Variants in CCN3 observed in about 807,000 individuals in gnomAD.
CCN3 encodes the protein cellular communication network factor 3.
In CCN3, 20 loss-of-function variants were observed where a neutral mutation model predicts 33.4. The ratio of observed to expected loss-of-function variants is 0.60; its 90% confidence interval spans 0.42 to 0.87. The LOEUF (loss-of-function observed/expected upper bound fraction) is 0.87, where lower values mean the gene tolerates loss of function less well. Ranked by LOEUF, CCN3 falls within the 40% of genes least tolerant of loss-of-function variation. The pLI, the probability that CCN3 is intolerant of heterozygous loss-of-function variation, is 0.00. For missense variants in CCN3, 465 were observed against 455.3 expected (o/e 1.02, Z -0.19); for synonymous variants, 205 against 170.4 (o/e 1.20, Z -1.58).
intron 4 of CCN3, among the ~76,000 whole-genome samples, chr8:119,421,351 T>C (rs923210381): frequency 1.1e-4 from 17 of 152,134 alleles, no homozygotes; most frequent in Admixed American, 7.9e-4. Context: ...AGCAGCATCA[T>C]CTAAGAAGTT....
In CCN3 at chr8:119,422,910, G is replaced by A. The variant is rs151283214; in HGVS notation, c.852G>A (p.Leu284=). ...TGCAGTTCAAGAACTGCACCAGCCT[G>A]CACACCTACAAGCCCAGGTTCTGTG... ...IHLQFKNCTS[L]HTYKPRFCGV... Residue 284 remains leucine, a synonymous_variant, in exon 5 of 5, where the codon CTG becomes CTA. Transcript: ENST00000259526. 1.2e-6 allele frequency: 2 copies of A among 1,614,032 alleles called. No individual in the cohort carries two copies. The highest frequency in any genetic ancestry group is 1.7e-6 in the Non-Finnish European group (2 of 1,180,008).
chr8:119,422,555 G>T (rs1820138891), intron 4 of CCN3, among the ~76,000 whole-genome samples: 1 of 152,150 alleles, frequency 6.6e-6, no homozygotes, highest in South Asian at 2.1e-4. Flanking sequence ...AAAGGAAAAT[G>T]AATACAGGAA....
At chr8:119,420,182 A>G (rs184345905) in intron 4 of CCN3, 40 of 152,348 alleles carry the variant, frequency 2.6e-4, no homozygotes, top group African/African-American at 7.9e-4. Flanking sequence ...AATGCGTAAG[A>G]GGACAACTGT....
chr8:119,418,997 T>C, intron 3 of CCN3, 134 bp from the exon 4 acceptor site: 2 of 625,948 alleles, frequency 3.2e-6, no homozygotes, highest in Middle Eastern at 3.7e-4. Context: ...AATTCAGTTC[T>C]GTGTCCTGGG....
Position 119,419,302 on chromosome 8 carries a change from T to A in CCN3, c.734T>A (p.Met245Lys). The change falls in exon 4 of 5, where the codon ATG becomes AAG. Residue 245 changes from methionine (M) to lysine (K), a missense_variant. By Grantham distance (95) the Met-to-Lys change is moderately conservative (BLOSUM62 -1). Transcript: ENST00000259526. ...ATGCTGAAACAGACTCGGCTCTGCATGGTGCGGCCCTGTGAACAAGAGCCA... is the reference window on the plus strand; with the variant it reads ...ATGCTGAAACAGACTCGGCTCTGCAAGGTGCGGCCCTGTGAACAAGAGCCA... ...CEMLKQTRLC[M>K]VRPCEQEPEQ... 6.2e-7 allele frequency: 1 copy of A among 1,614,116 alleles called. No individual in the cohort carries two copies. The highest frequency in any genetic ancestry group is 1.7e-5 in the Admixed American group (1 of 60,022).
intron 4 of CCN3, among the ~76,000 whole-genome samples, chr8:119,421,205 T>G (rs1423617747): frequency 6.6e-6 from 1 of 152,000 alleles, no homozygotes; most frequent in African/African-American, 2.4e-5. Context: ...GAGACGGGGT[T>G]TCACCATGTT....
At chr8:119,419,375 G>T in intron 4 of CCN3, 30 bp downstream of exon 4, 3 of 1,602,866 alleles carry the variant, frequency 1.9e-6, no homozygotes, top group Non-Finnish European at 2.6e-6. Flanking sequence ...CTCCCATCCT[G>T]AAGGTAATGG....
At position 119,422,874 on chromosome 8, in the gene CCN3, A is replaced by G. The variant is rs777567676; in HGVS notation, c.816A>G (p.Lys272=). Residue 272 remains lysine, a synonymous_variant, in exon 5 of 5, where the codon AAA becomes AAG. Transcript: ENST00000259526. ...GTCTCCGCACCAAGAAGTCACTCAA[A>G]GCCATCCACCTGCAGTTCAAGAACT... The part of the protein sequence containing the change: ...KKCLRTKKSL[K]AIHLQFKNCT... 6.2e-7 allele frequency: 1 copy of G among 1,612,476 alleles called. No individual in the cohort carries two copies. Among genetic ancestry groups the G allele is most frequent in the Non-Finnish European group, 8.5e-7 (1 of 1,178,868 alleles).
chr8:119,416,987 G>A lies in CCN3; in HGVS notation c.310+18G>A. ...CTGCACGGGTAATCCTGCTCCCTCT[G>A]CTGTTTGACCTCTTCTCCTGCAGCT... On this transcript the variant is annotated intron_variant, in intron 2 of 4. Transcript: ENST00000259526. 1 of 1,591,766 alleles carries A rather than the reference G, an allele frequency of 6.3e-7. No individual in the cohort carries two copies.
rs779014572 is a variant in CCN3 at position 119,423,151 on chromosome 8, C to G, written c.*19C>G. 16 of 1,602,284 alleles carry G rather than the reference C, an allele frequency of 1.0e-5. No individual in the cohort carries two copies. The Admixed American group carries it at 2.5e-4, about 25-fold the overall frequency. On this transcript the variant is annotated 3_prime_UTR_variant, in exon 5 of 5. Coordinates refer to ENST00000259526, the MANE Select transcript of CCN3 (RefSeq NM_002514.4). ...AATGTAACCTGTCACTCAAGAAGCA[C>G]ACCTACAGAGCACCTGTAGCTGCTG... is the stretch of plus-strand genomic sequence containing the variant.
chr8:119,424,055 TG>T lies in CCN3; in HGVS notation c.*925del, dbSNP rs1820162082. 1 of 152,182 alleles carries T rather than the reference TG, an allele frequency of 6.6e-6. No homozygotes were observed. Among genetic ancestry groups the T allele is most frequent in the Admixed American group, 6.5e-5 (1 of 15,284 alleles). 9.4% of individuals were successfully genotyped at this position (152,182 alleles called of 1,614,324 possible). A position where few individuals can be genotyped will look rare whatever the true frequency, so the allele number is the denominator to read the frequency against. ...AATAGAGCAAAATCAACATGACTGG[TG>T]GTGAGAGACCACACATTTTATGAGA... On this transcript the variant is annotated 3_prime_UTR_variant, in exon 5 of 5. Coordinates refer to ENST00000259526, the MANE Select transcript of CCN3 (RefSeq NM_002514.4).
chr8:119,422,274 A>G (rs1820135736), intron 4 of CCN3, among the ~76,000 whole-genome samples: 1 of 152,208 alleles, frequency 6.6e-6, no homozygotes. Context: ...TCACGAGAAC[A>G]GCAAGGGAAA....
At position 119,419,247 on chromosome 8, in the gene CCN3, C is replaced by G. The variant is rs778254162; in HGVS notation, c.679C>G (p.Arg227Gly). The G allele has an allele frequency of 6.2e-7, 1 of 1,614,194 alleles. No homozygotes were observed. The highest frequency in any genetic ancestry group is 1.7e-5 in the Admixed American group (1 of 60,028). ...SKSCGMGFST[R>G]VTNRNRQCEM... is the part of the protein sequence containing the mutation. ...GAGCTGTGGTATGGGGTTCTCCACC[C>G]GGGTCACCAATAGGAACCGTCAATG... Residue 227 changes from arginine (R) to glycine (G), a missense_variant, in exon 4 of 5, where the codon CGG becomes GGG. Arg to Gly is a moderately radical substitution (Grantham distance 125). Coordinates refer to ENST00000259526, the MANE Select transcript of CCN3 (RefSeq NM_002514.4).
chr8:119,421,211 A>G (rs532663727), intron 4 of CCN3, among the ~76,000 whole-genome samples: 1 of 151,994 alleles, frequency 6.6e-6, no homozygotes, highest in Non-Finnish European at 1.5e-5. Flanking sequence ...GGGTTTCACC[A>G]TGTTAGCCAG....
At position 119,418,041 on chromosome 8, in the gene CCN3, C is replaced by T. The variant is rs377481701; in HGVS notation, c.311-17C>T. The stretch of plus-strand genomic sequence containing the variant: ...CTCTTCCTCTTTGCTTTTCACTTTG[C>T]TTCCCCAATATTCTAGCGGTAGAGG... On this transcript the variant is annotated splice_polypyrimidine_tract_variant and intron_variant, in intron 2 of 4. Transcript: ENST00000259526. The T allele has an allele frequency of 2.1e-5, 33 of 1,601,224 alleles. 1 individual carries two copies. In the Middle Eastern group the frequency reaches 6.7e-4, roughly 33 times the overall value.
At position 119,424,397 on chromosome 8, in the gene CCN3, T is replaced by G. The variant is rs1820167479; in HGVS notation, c.*1265T>G. 6.6e-6 allele frequency: 1 copy of G among 152,232 alleles called. No individual in the cohort carries two copies. Among genetic ancestry groups the G allele is most frequent in the Admixed American group, 6.5e-5 (1 of 15,284 alleles). 9.4% of individuals were successfully genotyped at this position (152,232 alleles called of 1,614,324 possible). A position where few individuals can be genotyped will look rare whatever the true frequency, so the allele number is the denominator to read the frequency against. On this transcript the variant is annotated 3_prime_UTR_variant, in exon 5 of 5. Transcript: ENST00000259526. ...TTTGGTGCATAAAAGTTGAACATTG[T>G]TGTTTACTGAAAATAAAATTAAAAT...
Position 119,423,035 on chromosome 8 carries a change from T to G in CCN3, c.977T>G (p.Met326Arg), listed in dbSNP as rs1314610775. ...GGGCAAATAGTCAAGAAGCCAGTGA[T>G]GGTCATTGGGACCTGCACCTGTCAC... Reference protein sequence around the residue: ...SPGQIVKKPVMVIGTCTCHTN... With the variant: ...SPGQIVKKPVRVIGTCTCHTN... Residue 326 changes from methionine (M) to arginine (R), a missense_variant, in exon 5 of 5, where the codon ATG becomes AGG. Transcript: ENST00000259526. 5.6e-6 allele frequency: 9 copies of G among 1,614,030 alleles called. No individual in the cohort carries two copies. Among genetic ancestry groups the G allele is most frequent in the Non-Finnish European group, 7.6e-6 (9 of 1,180,030 alleles).
chr8:119,416,584 C>G lies in CCN3; in HGVS notation c.52C>G (p.Leu18Val). 1 of 1,613,960 alleles carries G rather than the reference C, an allele frequency of 6.2e-7. No homozygotes were observed. Reference protein sequence around the residue: ...SFCLRKQCLCLTFLLLHLLGQ... With the variant: ...SFCLRKQCLCVTFLLLHLLGQ... ...TTGTCTCCGAAAGCAGTGCCTTTGC[C>G]TGACCTTCCTGCTTCTCCATCTCCT... Residue 18 changes from leucine (L) to valine (V), a missense_variant, in exon 1 of 5, where the codon CTG becomes GTG. Coordinates refer to ENST00000259526, the MANE Select transcript of CCN3 (RefSeq NM_002514.4).
intron 4 of CCN3, among the ~76,000 whole-genome samples, chr8:119,420,798 A>T (rs1820112587): frequency 6.6e-6 from 1 of 152,062 alleles, no homozygotes; most frequent in Non-Finnish European, 1.5e-5. Flanking sequence ...ATTAAACAAG[A>T]TGTTTCCATT....
Sources: gnomAD v4.1 joint callset for allele counts (sites outside exome capture counted in the v4.1 genomes callset) on GRCh38, gnomAD v4.1.1 for gene constraint, MANE v1.5 for transcripts, NCBI Gene and HGNC (gene_info 2026-07-23, HGNC 2026-07-21) for gene names.